The following C8orf34 variants were observed in gnomAD, a reference collection of about 807,000 sequenced individuals.
The protein encoded by C8orf34 is uncharacterized protein C8orf34.
C8orf34 carries 65 observed loss-of-function variants against 68.3 expected under a neutral mutation model. The ratio of observed to expected loss-of-function variants is 0.95; its 90% confidence interval spans 0.78 to 1.17. C8orf34 has a LOEUF of 1.17. C8orf34 is among the 50% of genes most tolerant of loss of function. The pLI is 0.00. For missense variants in C8orf34, 664 were observed against 655.4 expected (o/e 1.01, Z -0.14); for synonymous variants, 244 against 241.2 (o/e 1.01, Z -0.11).
intron 1 of C8orf34, among the ~76,000 whole-genome samples, chr8:68,427,470 A>G (rs1184301253): frequency 6.6e-6 from 1 of 152,216 alleles, no homozygotes; most frequent in Non-Finnish European, 1.5e-5. Flanking sequence ...AATATATAAG[A>G]TATGACATAA....
chr8:68,592,182 T>C lies in C8orf34; in HGVS notation c.1106-48194T>C, dbSNP rs1411537709. ...TCTTTCATCCTCTATTCACATTTTCTTTCTCCATACTCTCCATATAGACAT... is the reference window on the plus strand; with the variant it reads ...TCTTTCATCCTCTATTCACATTTTCCTTCTCCATACTCTCCATATAGACAT... On this transcript the variant is annotated intron_variant, in intron 7 of 13. Transcript: ENST00000518698. Among the ~76,000 whole-genome samples the C allele has an allele frequency of 2.0e-5, 3 of 152,198 alleles. No homozygotes were observed. The East Asian group carries it at 5.8e-4, about 29-fold the overall frequency.
chr8:68,769,539 G>T (rs1823280238), intron 10 of C8orf34, among the ~76,000 whole-genome samples: 1 of 151,982 alleles, frequency 6.6e-6, no homozygotes, highest in Non-Finnish European at 1.5e-5. Context: ...CAAGGTGAAA[G>T]TTATAATCAA....
At chr8:68,488,541 A>G (rs542633143) in intron 5 of C8orf34, among the ~76,000 whole-genome samples, 2 of 152,218 alleles carry the variant, frequency 1.3e-5, no homozygotes, top group Admixed American at 1.3e-4. Flanking sequence ...GTGGTTAGAA[A>G]TATATTTCTA....
intron 2 of C8orf34, among the ~76,000 whole-genome samples, chr8:68,442,016 T>C (rs1486385682): frequency 6.6e-6 from 1 of 152,184 alleles, no homozygotes; most frequent in Non-Finnish European, 1.5e-5. Flanking sequence ...TCCCAGATGT[T>C]ACCTTCAATA....
intron 8 of C8orf34, among the ~76,000 whole-genome samples, chr8:68,673,467 G>T (rs1276698696): frequency 6.6e-6 from 1 of 152,082 alleles, no homozygotes. Context: ...AGGAGACCTT[G>T]GGCCTTGAAT....
intron 1 of C8orf34, among the ~76,000 whole-genome samples, chr8:68,341,509 G>C (rs1383736441): frequency 6.6e-6 from 1 of 152,178 alleles, no homozygotes; most frequent in African/African-American, 2.4e-5. Context: ...AGATAATATA[G>C]TGTGGATGTC....
Position 68,389,622 on chromosome 8 carries a change from A to G in C8orf34, c.328-49877A>G, listed in dbSNP as rs528411551. Among the ~76,000 whole-genome samples the G allele has an allele frequency of 7.2e-4, 109 of 152,280 alleles. 1 individual carries two copies. The highest frequency in any genetic ancestry group is 9.0e-4 in the Non-Finnish European group (61 of 68,018). ...TTGTAATTATCATATTGTAAAGGGC[A>G]TGGGTGACTATCTTTTCAAATTGTT... is the stretch of plus-strand genomic sequence containing the variant. On this transcript the variant is annotated intron_variant, in intron 1 of 13. Coordinates refer to ENST00000518698, the MANE Select transcript of C8orf34 (RefSeq NM_052958.4).
chr8:68,626,297 G>C (rs1818536566), intron 7 of C8orf34, among the ~76,000 whole-genome samples: 1 of 152,110 alleles, frequency 6.6e-6, no homozygotes, highest in Non-Finnish European at 1.5e-5. Flanking sequence ...TCCAAATCTT[G>C]TTCCATTTGA....
At chr8:68,439,898 A>T (rs1810829517) in intron 2 of C8orf34, among the ~76,000 whole-genome samples, 1 of 152,210 alleles carries the variant, frequency 6.6e-6, no homozygotes, top group Non-Finnish European at 1.5e-5. Flanking sequence ...ATTTGCATCA[A>T]AAGATTTTAT....
At chr8:68,653,383 G>A (rs1401513425) in intron 8 of C8orf34, among the ~76,000 whole-genome samples, 1 of 151,976 alleles carries the variant, frequency 6.6e-6, no homozygotes, top group South Asian at 2.1e-4. Context: ...GTAAATAATC[G>A]GTTCCTGTAT....
Position 68,709,013 on chromosome 8 carries a change from GA to G in C8orf34, c.1263del (p.Glu422LysfsTer31). 1 of 1,601,618 alleles carries G rather than the reference GA, an allele frequency of 6.2e-7. No homozygotes were observed. Among genetic ancestry groups the G allele is most frequent in the Non-Finnish European group, 8.5e-7 (1 of 1,176,532 alleles). On this transcript the variant is annotated frameshift_variant, in exon 9 of 14. Coordinates refer to ENST00000518698, the MANE Select transcript of C8orf34 (RefSeq NM_052958.4). LOFTEE classifies it high-confidence loss of function. ...ATTTAGGCTTCAAGGAGACAACCTGGAAGAAAGGACAGAAGAGTCACTACCA... is the reference window on the plus strand; with the variant it reads ...ATTTAGGCTTCAAGGAGACAACCTGGAGAAAGGACAGAAGAGTCACTACCA... ...RCARLQGDNL[E>X]ERTEESLPIL...
intron 1 of C8orf34, among the ~76,000 whole-genome samples, chr8:68,387,690 G>T (rs748813649): frequency 3.9e-5 from 6 of 151,946 alleles, no homozygotes; most frequent in Non-Finnish European, 8.8e-5. Flanking sequence ...AAAAAACCTC[G>T]TAGAAAACCA....
At chr8:68,385,325 C>G (rs1400383825) in intron 1 of C8orf34, among the ~76,000 whole-genome samples, 2 of 152,144 alleles carry the variant, frequency 1.3e-5, no homozygotes, top group Non-Finnish European at 1.5e-5. Flanking sequence ...TACTTTGATA[C>G]CAGTATTCAT....
intron 7 of C8orf34, among the ~76,000 whole-genome samples, chr8:68,580,192 A>T (rs1055658076): frequency 1.3e-5 from 2 of 152,102 alleles, no homozygotes; most frequent in African/African-American, 4.8e-5. Context: ...GAACAAGAGC[A>T]TTTCTCTTCT....
chr8:68,514,290 T>G (rs1434331402), intron 5 of C8orf34, among the ~76,000 whole-genome samples: 1 of 152,164 alleles, frequency 6.6e-6, no homozygotes, highest in African/African-American at 2.4e-5. Context: ...CCTCTGTGTC[T>G]CCACCTCAGT....
At chr8:68,729,178 T>C (rs1368861552) in intron 10 of C8orf34, among the ~76,000 whole-genome samples, 10 of 152,310 alleles carry the variant, frequency 6.6e-5, no homozygotes, top group African/African-American at 2.2e-4. Context: ...AAGAAAGAAT[T>C]AGATAATTAC....
chr8:68,628,150 T>G (rs1818591157), intron 7 of C8orf34, among the ~76,000 whole-genome samples: 1 of 152,156 alleles, frequency 6.6e-6, no homozygotes. Context: ...ACCCTCTTTT[T>G]CCAAATGCAA....
chr8:68,450,296 C>T (rs1811289780), intron 3 of C8orf34, among the ~76,000 whole-genome samples: 1 of 152,080 alleles, frequency 6.6e-6, no homozygotes, highest in African/African-American at 2.4e-5. Context: ...GTCTTGGACA[C>T]TTCAAAGTCA....
At chr8:68,550,885 GT>G (rs759645061) in intron 7 of C8orf34, among the ~76,000 whole-genome samples, 143 of 144,352 alleles carry the variant, frequency 9.9e-4, no homozygotes, top group East Asian at 2.8e-3. Flanking sequence ...TAATGGTAAA[GT>G]TTTTTTTTTT....
Sources: gnomAD v4.1 joint callset for allele counts (sites outside exome capture counted in the v4.1 genomes callset) on GRCh38, gnomAD v4.1.1 for gene constraint, MANE v1.5 for transcripts, NCBI Gene and HGNC (gene_info 2026-07-23, HGNC 2026-07-21) for gene names.